The following SDK1 variants were observed in gnomAD, a reference collection of about 807,000 sequenced individuals.
The protein encoded by SDK1 is sidekick cell adhesion molecule 1.
SDK1 carries 157 observed loss-of-function variants against 245.5 expected under a neutral mutation model. The ratio of observed to expected loss-of-function variants is 0.64; its 90% CI spans 0.56 to 0.73. The LOEUF is 0.73. SDK1 is among the 30% of genes least tolerant of loss of function. SDK1 has a pLI of 0.00. For missense variants in SDK1, 3,583 were observed against 3,002.3 expected (o/e 1.19, Z -4.52); for synonymous variants, 1,647 against 1,278.5 (o/e 1.29, Z -6.15).
At chr7:4,256,270 A>C (rs897914040) in intron 44 of SDK1, among the ~76,000 whole-genome samples, 1 of 152,222 alleles carries the variant, frequency 6.6e-6, no homozygotes, top group East Asian at 1.9e-4. Flanking sequence ...CAGTTAAATC[A>C]TTGTTCCGCT....
At chr7:3,898,631 A>G (rs971902338) in intron 5 of SDK1, among the ~76,000 whole-genome samples, 1 of 152,212 alleles carries the variant, frequency 6.6e-6, no homozygotes, top group Non-Finnish European at 1.5e-5. Context: ...AAAGAGCAGC[A>G]TCTCAGGAAT....
At chr7:3,639,467 C>G (rs921724633) in intron 3 of SDK1, among the ~76,000 whole-genome samples, 2 of 152,128 alleles carry the variant, frequency 1.3e-5, no homozygotes, top group African/African-American at 2.4e-5. Context: ...CCAATTAGGT[C>G]AAAGTTCGTC....
chr7:3,579,924 G>A (rs550325520), intron 1 of SDK1, among the ~76,000 whole-genome samples: 9 of 152,296 alleles, frequency 5.9e-5, no homozygotes, highest in African/African-American at 2.2e-4. Flanking sequence ...TTCTTCAGCT[G>A]ATAAACAATT....
intron 9 of SDK1, among the ~76,000 whole-genome samples, 160 bp downstream of exon 9, chr7:3,963,011 G>A (rs1410314567): frequency 1.5e-5 from 2 of 129,614 alleles, no homozygotes; most frequent in Non-Finnish European, 1.6e-5. Context: ...CTACCTGGAT[G>A]TAACCACTGG....
intron 1 of SDK1, among the ~76,000 whole-genome samples, chr7:3,493,044 G>A (rs555811797): frequency 3.9e-5 from 6 of 152,160 alleles, no homozygotes; most frequent in African/African-American, 4.8e-5. Flanking sequence ...TCTGCCTCCC[G>A]GGTTCACACC....
chr7:4,259,662 G>A (rs149343471), intron 44 of SDK1, among the ~76,000 whole-genome samples: 1 of 152,172 alleles, frequency 6.6e-6, no homozygotes. Flanking sequence ...CCCTACATCA[G>A]CTCACCTAGG....
At chr7:3,395,224 G>C (rs975187213) in intron 1 of SDK1, among the ~76,000 whole-genome samples, 1 of 151,894 alleles carries the variant, frequency 6.6e-6, no homozygotes, top group African/African-American at 2.4e-5. Context: ...CTCTGTACCT[G>C]TTGAGATGTT....
At chr7:3,618,916 G>A (rs1437157168) in intron 1 of SDK1, among the ~76,000 whole-genome samples, 164 bp from the exon 2 acceptor site, 1 of 152,178 alleles carries the variant, frequency 6.6e-6, no homozygotes, top group Admixed American at 6.5e-5. Flanking sequence ...GGTATTGCAT[G>A]TTTCCAGGGT....
intron 32 of SDK1, among the ~76,000 whole-genome samples, chr7:4,167,369 C>G (rs1169399268): frequency 6.6e-6 from 1 of 152,134 alleles, no homozygotes; most frequent in Non-Finnish European, 1.5e-5. Context: ...CACCACTGCA[C>G]TCCAGCCTGG....
At chr7:4,180,322 A>C (rs1457685451) in intron 35 of SDK1, among the ~76,000 whole-genome samples, 1 of 148,804 alleles carries the variant, frequency 6.7e-6, no homozygotes, top group Admixed American at 6.7e-5. Flanking sequence ...CTCTATGCCC[A>C]GTGCCCGGCT....
At chr7:3,965,378 A>T (rs1319925750) in intron 9 of SDK1, among the ~76,000 whole-genome samples, 2 of 152,218 alleles carry the variant, frequency 1.3e-5, no homozygotes, top group African/African-American at 2.4e-5. Flanking sequence ...CATGAGGGTC[A>T]GATTGGAAAT....
At chr7:3,796,906 T>C (rs1392205141) in intron 4 of SDK1, among the ~76,000 whole-genome samples, 1 of 152,220 alleles carries the variant, frequency 6.6e-6, no homozygotes, top group Non-Finnish European at 1.5e-5. Context: ...AGTTCAAATG[T>C]AGCAATTAGA....
At chr7:3,499,360 G>A (rs544490790) in intron 1 of SDK1, among the ~76,000 whole-genome samples, 1 of 151,980 alleles carries the variant, frequency 6.6e-6, no homozygotes, top group East Asian at 1.9e-4. Context: ...GCCATTTTTT[G>A]TGTGTTTTTT....
intron 4 of SDK1, among the ~76,000 whole-genome samples, chr7:3,655,401 C>A (rs572465944): frequency 2.8e-5 from 4 of 142,256 alleles, no homozygotes; most frequent in African/African-American, 7.8e-5. Context: ...GCATTGCTCT[C>A]CAGCCTGGGC....
chr7:3,587,300 C>CGTGTGTGTGTGTGT (rs10523052), intron 1 of SDK1, among the ~76,000 whole-genome samples: 1 of 149,052 alleles, frequency 6.7e-6, no homozygotes, highest in Non-Finnish European at 1.5e-5. Context: ...AGAAACAGAA[C>CGTGTGTGTGTGTGT]GTGTGTGTGT....
At chr7:4,189,211 C>T (rs1783053741) in intron 35 of SDK1, among the ~76,000 whole-genome samples, 1 of 152,166 alleles carries the variant, frequency 6.6e-6, no homozygotes, top group Non-Finnish European at 1.5e-5. Context: ...TGGCAGCGCT[C>T]CTGGTGCAGG....
At chr7:4,259,498 C>T (rs1302670310) in intron 44 of SDK1, among the ~76,000 whole-genome samples, 26 of 152,100 alleles carry the variant, frequency 1.7e-4, no homozygotes, top group Admixed American at 1.7e-3. Context: ...TAGCTGAAAC[C>T]CTTGAGGCTA....
At chr7:3,515,237 C>CTG (rs1358457679) in intron 1 of SDK1, among the ~76,000 whole-genome samples, 1 of 152,076 alleles carries the variant, frequency 6.6e-6, no homozygotes, top group East Asian at 1.9e-4. Flanking sequence ...TGTGACCCTG[C>CTG]TGAGAGAACA....
intron 1 of SDK1, among the ~76,000 whole-genome samples, chr7:3,526,396 G>A (rs1007738700): frequency 1.3e-5 from 2 of 152,146 alleles, no homozygotes; most frequent in African/African-American, 4.8e-5. Flanking sequence ...TCAGTTCTTT[G>A]TCTATGATAT....
Sources: gnomAD v4.1 joint callset for allele counts (sites outside exome capture counted in the v4.1 genomes callset) on GRCh38, gnomAD v4.1.1 for gene constraint, MANE v1.5 for transcripts, NCBI Gene and HGNC (gene_info 2026-07-23, HGNC 2026-07-21) for gene names.